The following PLCE1 variants were observed in gnomAD, a reference collection of about 807,000 sequenced individuals.
PLCE1 encodes phospholipase C epsilon 1.
PLCE1 carries 119 observed loss-of-function variants against 242.8 expected under a neutral mutation model. The observed-to-expected ratio is 0.49, with a 90% confidence interval of 0.42 to 0.57. PLCE1 has a LOEUF of 0.57. Ranked by LOEUF, PLCE1 falls within the 20% of genes least tolerant of loss-of-function variation. The pLI is 0.00. For synonymous variants in PLCE1, 945 were observed against 1,017.4 expected (o/e 0.93, Z 1.35); for missense variants, 2,441 against 2,788.8 (o/e 0.88, Z 2.81).
At chr10:94,218,975 AATT>A (rs1354833362) in intron 4 of PLCE1, among the ~76,000 whole-genome samples, 1 of 147,662 alleles carries the variant, frequency 6.8e-6, no homozygotes, top group Non-Finnish European at 1.5e-5. Flanking sequence ...AAATATAATT[AATT>A]ATAGTTATAT....
intron 3 of PLCE1, among the ~76,000 whole-genome samples, chr10:94,150,752 T>A (rs2047249901): frequency 6.6e-6 from 1 of 152,170 alleles, no homozygotes; most frequent in Non-Finnish European, 1.5e-5. Flanking sequence ...GATTTGAACT[T>A]GAGTACATCC....
chr10:94,182,234 G>A (rs2048336519), intron 4 of PLCE1, among the ~76,000 whole-genome samples: 1 of 151,662 alleles, frequency 6.6e-6, no homozygotes, highest in Admixed American at 6.6e-5. Context: ...TTAAATAAAT[G>A]TAATGGGTTG....
chr10:94,293,267 A>C (rs2052700511), intron 22 of PLCE1, among the ~76,000 whole-genome samples: 1 of 152,168 alleles, frequency 6.6e-6, no homozygotes, highest in Non-Finnish European at 1.5e-5. Flanking sequence ...TGTGTGTGTG[A>C]TTTTGTGGTC....
intron 3 of PLCE1, among the ~76,000 whole-genome samples, chr10:94,157,084 T>A (rs966303415): frequency 2.0e-4 from 31 of 152,174 alleles, no homozygotes; most frequent in African/African-American, 7.5e-4. Flanking sequence ...ACATTTTATA[T>A]GAGTAAGTGA....
intron 2 of PLCE1, among the ~76,000 whole-genome samples, chr10:94,067,626 C>T (rs1469299789): frequency 6.6e-6 from 1 of 152,138 alleles, no homozygotes; most frequent in East Asian, 1.9e-4. Context: ...CACCCCAGGG[C>T]TAACAGCAAA....
At chr10:94,275,193 C>T (rs1476802415) in intron 19 of PLCE1, among the ~76,000 whole-genome samples, 5 of 152,018 alleles carry the variant, frequency 3.3e-5, no homozygotes, top group Non-Finnish European at 7.4e-5. Flanking sequence ...CTTCCTTTTC[C>T]TCCTTCTCAT....
chr10:93,999,058 G>A (rs183158502), intron 1 of PLCE1, among the ~76,000 whole-genome samples: 10 of 152,264 alleles, frequency 6.6e-5, no homozygotes, highest in African/African-American at 2.4e-4. Flanking sequence ...GAACTGTAGG[G>A]TGGCACATTG....
At chr10:94,079,609 AAATTT>A (rs2044599985) in intron 2 of PLCE1, among the ~76,000 whole-genome samples, 1 of 152,190 alleles carries the variant, frequency 6.6e-6, no homozygotes, top group Non-Finnish European at 1.5e-5. Context: ...TTAAAAAAAG[AAATTT>A]AATTTAACAT....
intron 3 of PLCE1, chr10:94,139,509 GC>G (rs1481581133): frequency 2.6e-5 from 4 of 154,466 alleles, no homozygotes; most frequent in Non-Finnish European, 1.5e-5. Context: ...GGCTGAGCAG[GC>G]CTTTCCAGCT....
In PLCE1 at chr10:94,132,297, C is replaced by A. The variant is rs1167331937; in HGVS notation, c.1330C>A (p.Gln444Lys). Residue 444 changes from glutamine (Q) to lysine (K), a missense_variant, in exon 3 of 33, where the codon CAA becomes AAA. By Grantham distance (53) the Gln-to-Lys change is moderately conservative. Around this residue, in one of 5 missense-constraint regions of PLCE1, gnomAD observed 733 missense variants for 754.2 expected, o/e 0.97. Transcript: ENST00000371380. ...GRISVGPCLK[Q>K]CVRDTVCEYR... The stretch of plus-strand genomic sequence containing the variant: ...GATAAGCGTTGGTCCATGCTTAAAG[C>A]AATGTGTCCGAGACACTGTATGTGA... 3 of 1,614,038 alleles carry A rather than the reference C, an allele frequency of 1.9e-6. No homozygotes were observed. The Admixed American group carries it at 5.0e-5, about 27-fold the overall frequency.
intron 5 of PLCE1, among the ~76,000 whole-genome samples, chr10:94,232,896 T>G (rs189179435): frequency 9.9e-5 from 15 of 152,272 alleles, no homozygotes; most frequent in Admixed American, 9.8e-4. Flanking sequence ...GCAAGAGTCA[T>G]GCACCAGTTC....
chr10:94,218,427 T>A (rs1337045653), intron 4 of PLCE1, among the ~76,000 whole-genome samples: 2 of 152,192 alleles, frequency 1.3e-5, no homozygotes, highest in Non-Finnish European at 2.9e-5. Context: ...GGGTTCTTTC[T>A]CTTAGGTCTG....
At chr10:94,073,049 C>T (rs187161454) in intron 2 of PLCE1, among the ~76,000 whole-genome samples, 29 of 152,224 alleles carry the variant, frequency 1.9e-4, no homozygotes, top group Admixed American at 1.9e-3. Context: ...CCCCCACTTC[C>T]TACCCCAGGG....
chr10:94,022,590 A>G (rs776018807), intron 1 of PLCE1, among the ~76,000 whole-genome samples: 2 of 152,102 alleles, frequency 1.3e-5, no homozygotes, highest in Non-Finnish European at 2.9e-5. Context: ...TTTTCCCAGA[A>G]TTGATATATT....
rs2045600626 is a variant in PLCE1, at chr10:94,103,148, G to T, written c.1207-29026G>T. Reference sequence around the variant, plus strand: ...ATGAATCTACTGTTTATTAGGCGCTGACTGTCAGGTGTCATGCTGAGTTTC... The same window carrying T: ...ATGAATCTACTGTTTATTAGGCGCTTACTGTCAGGTGTCATGCTGAGTTTC... On this transcript the variant is annotated intron_variant, in intron 2 of 32. Transcript: ENST00000371380. Among the ~76,000 whole-genome samples, 3 of 152,316 alleles carry T rather than the reference G, an allele frequency of 2.0e-5. No individual in the cohort carries two copies. The South Asian group carries it at 6.2e-4, about 32-fold the overall frequency.
At chr10:94,318,037 T>C (rs1298379250) in intron 29 of PLCE1, among the ~76,000 whole-genome samples, 2 of 152,206 alleles carry the variant, frequency 1.3e-5, no homozygotes, top group African/African-American at 4.8e-5. Context: ...TTTCACTTTC[T>C]AGTCACAGTG....
At position 94,242,279 on chromosome 10, in the gene PLCE1, T is replaced by G. The variant is rs77214788; in HGVS notation, c.2421-3667T>G. ...ATATCATGTAACCCCAGATCTTGTG[T>G]TTTTTTTGTTTTTGTTGTTTTATTT... On this transcript the variant is annotated intron_variant, in intron 7 of 32. Transcript: ENST00000371380. Among the ~76,000 whole-genome samples, 11 of 143,464 alleles carry G rather than the reference T, an allele frequency of 7.7e-5. No individual in the cohort carries two copies. The East Asian group carries it at 2.3e-3, about 29-fold the overall frequency. The allele number at this position is 143,464 out of a possible 152,430, so 94.1% of individuals were successfully genotyped here.
chr10:94,118,896 G>A (rs1317063882), intron 2 of PLCE1, among the ~76,000 whole-genome samples: 2 of 152,112 alleles, frequency 1.3e-5, no homozygotes, highest in East Asian at 3.9e-4. Flanking sequence ...TTAATGCCAC[G>A]ACCCGTCCAT....
At chr10:94,197,436 A>C (rs957820455) in intron 4 of PLCE1, among the ~76,000 whole-genome samples, 2 of 152,188 alleles carry the variant, frequency 1.3e-5, no homozygotes, top group African/African-American at 4.8e-5. Context: ...ACCATTTGAC[A>C]TTCCCACCAA....
Sources: allele counts gnomAD v4.1 joint callset (sites outside exome capture counted in the v4.1 genomes callset), GRCh38; gene constraint gnomAD v4.1.1; regional missense constraint gnomAD v4.1.1; transcripts MANE v1.5; gene names NCBI Gene and HGNC (gene_info 2026-07-23, HGNC 2026-07-21).